The following SLC8A1 variants were observed in gnomAD, a reference collection of about 807,000 sequenced individuals.
The protein encoded by SLC8A1 is solute carrier family 8 member A1, also known as sodium/calcium exchanger 1.
Under a neutral mutation model 68.3 loss-of-function variants are expected in SLC8A1, and 18 were observed. The observed-to-expected ratio is 0.26, with a 90% CI of 0.18 to 0.39. The LOEUF is 0.39. Among genes scored for constraint, SLC8A1 ranks in the 10% least tolerant of loss-of-function variants. SLC8A1 has a pLI of 1.00. For missense variants in SLC8A1, 985 were observed against 1,156.7 expected, an observed-to-expected ratio of 0.85 and a Z score of 2.15; for synonymous variants, 475 against 415.5, an observed-to-expected ratio of 1.14 and a Z score of -1.74.
intron 2 of SLC8A1, among the ~76,000 whole-genome samples, chr2:40,200,207 A>T (rs13023551): frequency 0.044 from 406 of 9,206 alleles, 22 homozygotes; most frequent in South Asian, 0.12. Flanking sequence ...TATATATATA[A>T]ATATATATAT....
intron 2 of SLC8A1, among the ~76,000 whole-genome samples, chr2:40,210,766 C>T (rs1325448871): frequency 6.6e-6 from 1 of 152,140 alleles, no homozygotes; most frequent in Non-Finnish European, 1.5e-5. Context: ...CCTTTAGATT[C>T]CCTACTCTTC....
chr2:40,334,560 G>A (rs868220154), intron 2 of SLC8A1, among the ~76,000 whole-genome samples: 2 of 152,104 alleles, frequency 1.3e-5, no homozygotes, highest in African/African-American at 2.4e-5. Context: ...ATCATTATCT[G>A]TGATTCTACC....
intron 1 of SLC8A1, among the ~76,000 whole-genome samples, chr2:40,444,488 C>T (rs538934927): frequency 6.6e-6 from 1 of 152,094 alleles, no homozygotes; most frequent in South Asian, 2.1e-4. Context: ...CTGTGAATTT[C>T]TAGGCCATTT....
intron 2 of SLC8A1, among the ~76,000 whole-genome samples, chr2:40,426,030 TTTAAGG>T (rs1696769488): frequency 6.6e-6 from 1 of 151,990 alleles, no homozygotes; most frequent in Non-Finnish European, 1.5e-5. Context: ...TGGTGCTTAA[TTTAAGG>T]TTAAGTCCCA....
At chr2:40,445,348 C>T (rs1391518981) in intron 1 of SLC8A1, among the ~76,000 whole-genome samples, 2 of 152,100 alleles carry the variant, frequency 1.3e-5, no homozygotes, top group Non-Finnish European at 2.9e-5. Flanking sequence ...GATGAAAAGT[C>T]GTAGTTCCCT....
chr2:40,139,372 G>C, intron 7 of SLC8A1, 29 bp downstream of exon 10: 4 of 1,609,358 alleles, frequency 2.5e-6, no homozygotes, highest in Non-Finnish European at 3.4e-6. Flanking sequence ...TCTGCTACTG[G>C]GGGAATTATA....
chr2:40,392,066 G>GAGAA (rs1576021121), intron 2 of SLC8A1, among the ~76,000 whole-genome samples: 1 of 60,448 alleles, frequency 1.7e-5, no homozygotes, highest in East Asian at 2.5e-4. Context: ...AAGAAGGAAG[G>GAGAA]AGAAGGAAGG....
intron 1 of SLC8A1, among the ~76,000 whole-genome samples, chr2:40,479,519 A>G (rs184257484): frequency 1.3e-5 from 2 of 152,284 alleles, no homozygotes; most frequent in African/African-American, 2.4e-5. Flanking sequence ...CTCTCTCAAG[A>G]TATTCTCATT....
At chr2:40,277,723 A>G (rs1343053426) in intron 2 of SLC8A1, among the ~76,000 whole-genome samples, 1 of 149,748 alleles carries the variant, frequency 6.7e-6, no homozygotes, top group African/African-American at 2.4e-5. Context: ...GACTACATAA[A>G]TAAACCAAAA....
At chr2:40,298,503 CACAGGGGAG>C (rs1224178548) in intron 2 of SLC8A1, among the ~76,000 whole-genome samples, 3 of 152,116 alleles carry the variant, frequency 2.0e-5, no homozygotes, top group African/African-American at 7.2e-5. Context: ...GAATGAGGCA[CACAGGGGAG>C]TACTCATTTC....
intron 2 of SLC8A1, among the ~76,000 whole-genome samples, chr2:40,218,995 T>C (rs1447800282): frequency 9.1e-6 from 1 of 110,224 alleles, no homozygotes; most frequent in Non-Finnish European, 2.0e-5. Context: ...CACAGGAAAC[T>C]GGGCTTTCCC....
At chr2:40,165,728 T>G (rs561229314) in intron 4 of SLC8A1, among the ~76,000 whole-genome samples, 51 of 152,178 alleles carry the variant, frequency 3.4e-4, no homozygotes, top group Non-Finnish European at 6.8e-4. Flanking sequence ...AACTACCATG[T>G]AGCTTACAGT....
rs143125602 is a variant in SLC8A1 at position 40,266,838 on chromosome 2, C to G, written c.1809-88983G>C. 7.7e-4 allele frequency among the ~76,000 whole-genome samples: 118 copies of G among 152,284 alleles called. 1 individual carries two copies. In the East Asian group the frequency reaches 0.011, roughly 15 times the overall value. ...GTGGGTTGTGAATAAAATTGGCACT[C>G]TGCTTCCACCCCAAGTTGGATTATT... On this transcript the variant is annotated intron_variant, in intron 2 of 7. Coordinates refer to ENST00000406785, the Ensembl canonical transcript of SLC8A1.
intron 2 of SLC8A1, among the ~76,000 whole-genome samples, chr2:40,328,811 G>A (rs2076112418): frequency 6.6e-6 from 1 of 151,978 alleles, no homozygotes; most frequent in Non-Finnish European, 1.5e-5. Flanking sequence ...TCTCCCACCT[G>A]GACTATTGCA....
At chr2:40,429,236 C>T in exon 2 of SLC8A1, 2 of 1,613,840 alleles carry the variant, frequency 1.2e-6, no homozygotes, top group Non-Finnish European at 1.7e-6. Flanking sequence ...TGGTAGTTAG[C>T]TAATTCTATT....
At chr2:40,427,348 T>G (rs1010607874) in intron 2 of SLC8A1, among the ~76,000 whole-genome samples, 3 of 152,142 alleles carry the variant, frequency 2.0e-5, no homozygotes, top group African/African-American at 7.2e-5. Flanking sequence ...GCATATCATA[T>G]GCCATTATCG....
At chr2:40,153,630 C>T (rs2043872744) in intron 6 of SLC8A1, among the ~76,000 whole-genome samples, 1 of 152,128 alleles carries the variant, frequency 6.6e-6, no homozygotes. Flanking sequence ...CTGAAACAAC[C>T]TACCTACCTA....
chr2:40,190,708 G>C (rs11884718), intron 2 of SLC8A1: 18,120 of 152,174 alleles, frequency 0.12, 1,184 homozygotes, highest in African/African-American at 0.13. Context: ...TGGCCTGAAA[G>C]ATCTTTGACC....
rs1048328089 is a variant in SLC8A1, at chr2:40,347,652, T to C, written c.1808+80821A>G. Reference sequence around the variant, plus strand: ...GACTTCTAATTGTCTATAACATCTATTGGCTTTAATCGAATGTTATACTAA... The same window carrying C: ...GACTTCTAATTGTCTATAACATCTACTGGCTTTAATCGAATGTTATACTAA... On this transcript the variant is annotated intron_variant, in intron 2 of 7. Transcript: ENST00000406785. Among the ~76,000 whole-genome samples, 6 of 152,362 alleles carry C rather than the reference T, an allele frequency of 3.9e-5. No individual in the cohort carries two copies. In the East Asian group the frequency reaches 5.8e-4, roughly 15 times the overall value.
Sources: allele counts gnomAD v4.1 joint callset (sites outside exome capture counted in the v4.1 genomes callset), GRCh38; gene constraint gnomAD v4.1.1; transcripts MANE v1.5; gene names NCBI Gene and HGNC (gene_info 2026-07-23, HGNC 2026-07-21).